The following THSD7A variants were observed in gnomAD, a reference collection of about 807,000 sequenced individuals.
THSD7A encodes thrombospondin type 1 domain containing 7A, also known as thrombospondin type-1 domain-containing protein 7A.
In THSD7A, 96 loss-of-function variants were observed where a neutral mutation model predicts 231.3. The observed-to-expected ratio is 0.41, with a 90% confidence interval of 0.35 to 0.49. The LOEUF (loss-of-function observed/expected upper bound fraction) is 0.49, where lower values mean the gene tolerates loss of function less well. THSD7A is among the 20% of genes least tolerant of loss of function. The pLI, the probability that THSD7A is intolerant of heterozygous loss-of-function variation, is 0.05. For synonymous variants in THSD7A, 940 were observed against 743.3 expected (o/e 1.26, Z -4.30); for missense variants, 2,290 against 2,070.2 (o/e 1.11, Z -2.06).
chr7:11,453,467 A>C (rs17164584), intron 11 of THSD7A, among the ~76,000 whole-genome samples: 47 of 152,010 alleles, frequency 3.1e-4, no homozygotes, highest in African/African-American at 9.6e-4. Context: ...GTCTAGATTC[A>C]AGAATGCATC....
intron 1 of THSD7A, among the ~76,000 whole-genome samples, chr7:11,646,561 A>G (rs1164530094): frequency 1.3e-5 from 2 of 151,996 alleles, no homozygotes; most frequent in Non-Finnish European, 2.9e-5. Flanking sequence ...TTCACTCAAA[A>G]ATGTGAAATG....
chr7:11,755,311 A>G (rs75324150), intron 1 of THSD7A, among the ~76,000 whole-genome samples: 3,064 of 152,264 alleles, frequency 0.02, 66 homozygotes, highest in Non-Finnish European at 0.028. Flanking sequence ...ATTTCTCAAA[A>G]TAGCAAATAC....
At chr7:11,775,233 T>C (rs182760443) in intron 1 of THSD7A, among the ~76,000 whole-genome samples, 9 of 152,268 alleles carry the variant, frequency 5.9e-5, no homozygotes, top group Admixed American at 3.3e-4. Context: ...TTGGAACCCT[T>C]GTGCTTTACT....
intron 1 of THSD7A, among the ~76,000 whole-genome samples, chr7:11,724,126 AAT>A (rs1203365660): frequency 2.0e-5 from 3 of 151,996 alleles, no homozygotes; most frequent in Non-Finnish European, 4.4e-5. Context: ...ATGTTAAAAG[AAT>A]ATATGTGGGA....
chr7:11,738,982 C>A (rs982223010), intron 1 of THSD7A, among the ~76,000 whole-genome samples: 1 of 151,984 alleles, frequency 6.6e-6, no homozygotes, highest in African/African-American at 2.4e-5. Flanking sequence ...TAATACAATA[C>A]TAATGGATGC....
chr7:11,664,643 A>G (rs1020583998), intron 1 of THSD7A, among the ~76,000 whole-genome samples: 4 of 151,988 alleles, frequency 2.6e-5, no homozygotes, highest in Non-Finnish European at 4.4e-5. Context: ...TAGGAACATA[A>G]AAGATGACAG....
At chr7:11,380,220 A>G (rs1321660703) in intron 24 of THSD7A, among the ~76,000 whole-genome samples, 1 of 152,134 alleles carries the variant, frequency 6.6e-6, no homozygotes, top group African/African-American at 2.4e-5. Context: ...TGTTTTTTGG[A>G]TATAGAGAAG....
chr7:11,801,228 G>A lies in THSD7A; in HGVS notation c.190+30529C>T, dbSNP rs543172151. 3.9e-5 allele frequency among the ~76,000 whole-genome samples: 6 copies of A among 151,956 alleles called. No homozygotes were observed. The South Asian group carries it at 1.2e-3, about 32-fold the overall frequency. Reference sequence around the variant, plus strand: ...ACACAATAAAGCTAAAAAATAAAAAGAAGTTATGTTGCTGGATGTAATACT... The same window carrying A: ...ACACAATAAAGCTAAAAAATAAAAAAAAGTTATGTTGCTGGATGTAATACT... On this transcript the variant is annotated intron_variant, in intron 1 of 27. Coordinates refer to ENST00000423059, the MANE Select transcript of THSD7A (RefSeq NM_015204.3).
chr7:11,637,409 T>C lies in THSD7A; in HGVS notation c.191-448A>G. On this transcript the variant is annotated intron_variant, in intron 1 of 27. Transcript: ENST00000423059. The surrounding 1 kb of genome is among the most constrained non-coding windows in gnomAD (Gnocchi z 4.2). ...ATTTCTCTTCCTGGACAGTTAACTA[T>C]TTTGTGGAACTTGCTCTCTTCTTCA... Among the ~76,000 whole-genome samples the C allele has an allele frequency of 6.6e-6, 1 of 152,200 alleles. No individual in the cohort carries two copies. Among genetic ancestry groups the C allele is most frequent in the East Asian group, 1.9e-4 (1 of 5,196 alleles).
chr7:11,713,601 G>T (rs577521674), intron 1 of THSD7A, among the ~76,000 whole-genome samples: 2 of 151,240 alleles, frequency 1.3e-5, no homozygotes, highest in South Asian at 4.2e-4. Context: ...GGAAGCAATT[G>T]TATATGTACC....
chr7:11,673,515 G>T (rs1304879610), intron 1 of THSD7A, among the ~76,000 whole-genome samples: 2 of 152,068 alleles, frequency 1.3e-5, no homozygotes, highest in African/African-American at 2.4e-5. Flanking sequence ...CATCACCAAG[G>T]CCCCATCACC....
intron 1 of THSD7A, among the ~76,000 whole-genome samples, chr7:11,698,267 G>A (rs992267308): frequency 6.6e-5 from 10 of 151,296 alleles, no homozygotes; most frequent in African/African-American, 2.2e-4. Context: ...AAATATGATC[G>A]TGGTAGATAG....
At chr7:11,602,304 G>T (rs1780580333) in intron 2 of THSD7A, among the ~76,000 whole-genome samples, 1 of 152,072 alleles carries the variant, frequency 6.6e-6, no homozygotes, top group African/African-American at 2.4e-5. Context: ...ATATATGTGT[G>T]TGTGTATGTG....
chr7:11,461,996 T>G lies in THSD7A; in HGVS notation c.2501+15A>C. 1 of 1,610,356 alleles carries G rather than the reference T, an allele frequency of 6.2e-7. No individual in the cohort carries two copies. Among genetic ancestry groups the G allele is most frequent in the Non-Finnish European group, 8.5e-7 (1 of 1,177,582 alleles). On this transcript the variant is annotated intron_variant, in intron 10 of 27. Transcript: ENST00000423059. ...TGTTCAGCTCCTCCCTCACGATGCA[T>G]TTCTCTAACCCTACCTGTAGCTTTG... is the stretch of plus-strand genomic sequence containing the variant.
At chr7:11,500,441 A>T (rs1158065473) in intron 6 of THSD7A, among the ~76,000 whole-genome samples, 1 of 152,150 alleles carries the variant, frequency 6.6e-6, no homozygotes, top group Non-Finnish European at 1.5e-5. Context: ...CAGCACAATG[A>T]TAGGGTCAAA....
intron 1 of THSD7A, chr7:11,751,421 C>T (rs1213845850): frequency 6.6e-6 from 1 of 151,910 alleles, no homozygotes; most frequent in Non-Finnish European, 1.5e-5. Context: ...GGGAGGAGCC[C>T]CTCCCTGTTG....
chr7:11,735,033 A>G (rs1428598402), intron 1 of THSD7A, among the ~76,000 whole-genome samples: 2 of 151,908 alleles, frequency 1.3e-5, no homozygotes, highest in Non-Finnish European at 2.9e-5. Context: ...GCTTCTTCAA[A>G]TAAGTCTTCT....
chr7:11,587,524 G>C (rs1174053811), intron 4 of THSD7A, among the ~76,000 whole-genome samples: 2 of 152,034 alleles, frequency 1.3e-5, no homozygotes, highest in Non-Finnish European at 2.9e-5. Context: ...ACTCTTTACA[G>C]GTGCTATCTC....
At chr7:11,695,604 G>T (rs1444625170) in intron 1 of THSD7A, among the ~76,000 whole-genome samples, 1 of 151,388 alleles carries the variant, frequency 6.6e-6, no homozygotes, top group Non-Finnish European at 1.5e-5. Context: ...TAGGACCTGA[G>T]GAAATTAAAC....
Sources: gnomAD v4.1 joint callset for allele counts (sites outside exome capture counted in the v4.1 genomes callset) on GRCh38, gnomAD v4.1.1 for gene constraint, Gnocchi (gnomAD v3.1) non-coding constraint, MANE v1.5 for transcripts, NCBI Gene and HGNC (gene_info 2026-07-23, HGNC 2026-07-21) for gene names.